Variants in PDE1C observed in about 807,000 individuals in gnomAD.
The protein encoded by PDE1C is phosphodiesterase 1C.
In PDE1C, 62 loss-of-function variants were observed where a neutral mutation model predicts 93.1. The observed-to-expected ratio is 0.67, with a 90% confidence interval of 0.54 to 0.82. The LOEUF (loss-of-function observed/expected upper bound fraction) is 0.82. PDE1C is among the 40% of genes least tolerant of loss of function. The pLI, the probability that PDE1C is intolerant of heterozygous loss-of-function variation, is 0.00. For synonymous variants in PDE1C, 325 were observed against 310.1 expected, an observed-to-expected ratio of 1.05 and a Z score of -0.50; for missense variants, 742 against 884.6, an observed-to-expected ratio of 0.84 and a Z score of 2.04.
intron 1 of PDE1C, among the ~76,000 whole-genome samples, chr7:32,365,045 C>G (rs1462620750): frequency 6.6e-6 from 1 of 152,216 alleles, no homozygotes; most frequent in African/African-American, 2.4e-5. Context: ...TCCAGCAGAG[C>G]AGCTATATGC....
intron 1 of PDE1C, among the ~76,000 whole-genome samples, chr7:32,339,161 G>A (rs1562681244): frequency 6.6e-6 from 1 of 151,948 alleles, no homozygotes; most frequent in Non-Finnish European, 1.5e-5. Context: ...GAACCTTGAT[G>A]ATATTATGTA....
intron 1 of PDE1C, among the ~76,000 whole-genome samples, chr7:32,309,043 G>C (rs1813097230): frequency 6.6e-6 from 1 of 152,000 alleles, no homozygotes; most frequent in Non-Finnish European, 1.5e-5. Context: ...CCAATGCAGA[G>C]AAGTCCTTAA....
At chr7:32,228,366 G>A (rs1807446603) in intron 1 of PDE1C, among the ~76,000 whole-genome samples, 1 of 152,198 alleles carries the variant, frequency 6.6e-6, no homozygotes, top group African/African-American at 2.4e-5. Context: ...AGAGGAGGTT[G>A]GACCTGGGAC....
intron 3 of PDE1C, among the ~76,000 whole-genome samples, chr7:32,126,458 T>C (rs971728582): frequency 6.6e-6 from 1 of 152,044 alleles, no homozygotes; most frequent in African/African-American, 2.4e-5. Flanking sequence ...AAGAGCACAA[T>C]GAAAGGTAAC....
downstream of PDE1C, among the ~76,000 whole-genome samples, chr7:31,750,336 G>T (rs1191777303): frequency 6.6e-6 from 1 of 152,166 alleles, no homozygotes; most frequent in Non-Finnish European, 1.5e-5. Flanking sequence ...ATTGTTGGAG[G>T]TGGGGATGTC....
intron 3 of PDE1C, among the ~76,000 whole-genome samples, chr7:32,119,912 G>A (rs560214178): frequency 1.3e-5 from 2 of 152,228 alleles, no homozygotes; most frequent in African/African-American, 4.8e-5. Context: ...GTGGCTGCCT[G>A]CTGTCAAAGC....
chr7:32,280,743 T>A (rs887890836), intron 1 of PDE1C, among the ~76,000 whole-genome samples: 5 of 152,186 alleles, frequency 3.3e-5, no homozygotes, highest in Non-Finnish European at 5.9e-5. Context: ...AAGTTGTTGC[T>A]TTGGGAAGCT....
chr7:32,273,330 T>C (rs979962099), intron 1 of PDE1C, among the ~76,000 whole-genome samples: 6 of 152,202 alleles, frequency 3.9e-5, no homozygotes, highest in Admixed American at 3.9e-4. Flanking sequence ...AGCAAAGATG[T>C]CCATTAAAAT....
At chr7:31,867,091 T>G (rs763026935) in intron 6 of PDE1C, among the ~76,000 whole-genome samples, 3 of 152,024 alleles carry the variant, frequency 2.0e-5, no homozygotes, top group Non-Finnish European at 4.4e-5. Flanking sequence ...GGAGCCCCAT[T>G]GACATTCTCT....
At chr7:32,093,316 G>C (rs1584749308) in intron 3 of PDE1C, among the ~76,000 whole-genome samples, 1 of 152,156 alleles carries the variant, frequency 6.6e-6, no homozygotes, top group South Asian at 2.1e-4. Flanking sequence ...CCCCACACCA[G>C]GATCACCTCT....
intron 3 of PDE1C, among the ~76,000 whole-genome samples, chr7:32,145,191 A>G (rs987355973): frequency 6.6e-6 from 1 of 152,196 alleles, no homozygotes; most frequent in African/African-American, 2.4e-5. Flanking sequence ...CTAAAGGCAG[A>G]AAGGTCATTT....
intron 1 of PDE1C, among the ~76,000 whole-genome samples, chr7:32,258,344 A>AT (rs531764239): frequency 2.6e-5 from 4 of 152,250 alleles, no homozygotes; most frequent in Non-Finnish European, 5.9e-5. Context: ...AAGCTGTGAG[A>AT]TGAAACTCTG....
At chr7:31,656,324 A>G in the PDE1C span, 3 of 209,652 alleles carry the variant, frequency 1.4e-5, no homozygotes, top group Non-Finnish European at 1.7e-5. Flanking sequence ...TGCTCTCTTT[A>G]CCCTAGTTTC....
At chr7:31,699,042 C>T in the PDE1C span, among the ~76,000 whole-genome samples, 1 of 152,162 alleles carries the variant, frequency 6.6e-6, no homozygotes, top group Non-Finnish European at 1.5e-5. Flanking sequence ...AAAGTCCTTG[C>T]TCTCATGGTG....
At chr7:31,760,762 AC>A (rs1794781794) in intron 17 of PDE1C, among the ~76,000 whole-genome samples, 3 of 36,360 alleles carry the variant, frequency 8.3e-5, no homozygotes, top group Middle Eastern at 8.8e-3. Context: ...CAATGTGTAC[AC>A]ACACACACAC....
chr7:31,783,333 A>G (rs1444894552), intron 16 of PDE1C, among the ~76,000 whole-genome samples: 1 of 152,174 alleles, frequency 6.6e-6, no homozygotes, highest in Non-Finnish European at 1.5e-5. Flanking sequence ...TGATATAGTC[A>G]TACTCTGTGT....
intron 1 of PDE1C, among the ~76,000 whole-genome samples, chr7:32,318,738 G>A (rs1783223674): frequency 6.6e-6 from 1 of 152,184 alleles, no homozygotes; most frequent in South Asian, 2.1e-4. Flanking sequence ...TGGTCACGAG[G>A]ACATTAAGAT....
chr7:32,232,083 C>T (rs1056828609), intron 1 of PDE1C, among the ~76,000 whole-genome samples: 2 of 151,842 alleles, frequency 1.3e-5, no homozygotes, highest in Admixed American at 1.3e-4. Context: ...AAATCCTGGA[C>T]AGAATGCATG....
intron 1 of PDE1C, among the ~76,000 whole-genome samples, chr7:32,343,308 A>G (rs1378592800): frequency 6.6e-6 from 1 of 152,204 alleles, no homozygotes; most frequent in Non-Finnish European, 1.5e-5. Flanking sequence ...TTCTGCTTGA[A>G]ATGATTGATA....
Sources: allele counts gnomAD v4.1 joint callset (sites outside exome capture counted in the v4.1 genomes callset), GRCh38; gene constraint gnomAD v4.1.1; transcripts MANE v1.5; gene names NCBI Gene and HGNC (gene_info 2026-07-23, HGNC 2026-07-21).